The following POLK variants were observed in gnomAD, a reference collection of about 807,000 sequenced individuals.
POLK encodes polymerase (DNA directed) kappa.
In POLK, 76 loss-of-function variants were observed where a neutral mutation model predicts 94.0. The ratio of observed to expected loss-of-function variants is 0.81; its 90% CI spans 0.67 to 0.98. The LOEUF is 0.98. POLK is among the 50% of genes least tolerant of loss of function. POLK has a pLI of 0.00. For synonymous variants in POLK, 349 were observed against 325.4 expected, an observed-to-expected ratio of 1.07 and a Z score of -0.78; for missense variants, 954 against 1,010.1, an observed-to-expected ratio of 0.94 and a Z score of 0.75.
chr5:75,598,750 T>C (rs146368271), exon 15 of POLK: 1 of 152,308 alleles, frequency 6.6e-6, no homozygotes, highest in East Asian at 1.9e-4. Flanking sequence ...GAAGGATAAA[T>C]TGTACCATCA....
At chr5:75,554,740 A>G (rs1324648001) in intron 3 of POLK, among the ~76,000 whole-genome samples, 1 of 152,134 alleles carries the variant, frequency 6.6e-6, no homozygotes, top group Non-Finnish European at 1.5e-5. Context: ...TCCCACTTAT[A>G]AGTGAGAACA....
chr5:75,593,964 A>G, exon 12 of POLK: 2 of 1,610,450 alleles, frequency 1.2e-6, no homozygotes, highest in South Asian at 1.1e-5. Context: ...TTTCTACTGC[A>G]GAAGAAATAT....
At chr5:75,564,688 T>G (rs1644825980) in intron 3 of POLK, among the ~76,000 whole-genome samples, 1 of 152,192 alleles carries the variant, frequency 6.6e-6, no homozygotes, top group African/African-American at 2.4e-5. Context: ...GGTTGAAAAT[T>G]CTTTAAGAAT....
At chr5:75,512,291 C>G (rs1250305687) in intron 1 of POLK, 1 of 152,868 alleles carries the variant, frequency 6.5e-6, no homozygotes, top group Non-Finnish European at 1.5e-5. Flanking sequence ...TTCCTTAGTA[C>G]CTTCTCACAA....
intron 1 of POLK, among the ~76,000 whole-genome samples, chr5:75,530,396 C>CTTTTTTTTTTTTTTTTTTTTTTTTTT (rs201266079): frequency 6.5e-5 from 4 of 61,624 alleles, no homozygotes; most frequent in Non-Finnish European, 9.7e-5. Context: ...TTCCCTTTTT[C>CTTTTTTTTTTTTTTTTTTTTTTTTTT]TTTTTTTTTT....
intron 3 of POLK, among the ~76,000 whole-genome samples, chr5:75,562,572 A>G (rs113354358): frequency 1.3e-5 from 2 of 152,110 alleles, no homozygotes; most frequent in African/African-American, 4.8e-5. Context: ...GAGAGAGGAC[A>G]TCCTTGTCTA....
chr5:75,559,428 T>C (rs1770829652), intron 3 of POLK, among the ~76,000 whole-genome samples: 1 of 152,076 alleles, frequency 6.6e-6, no homozygotes, highest in Non-Finnish European at 1.5e-5. Context: ...AGACAGATGT[T>C]TATGTTACAT....
At chr5:75,596,570 T>A in exon 13 of POLK, 2 of 1,613,894 alleles carry the variant, frequency 1.2e-6, no homozygotes, top group Non-Finnish European at 1.7e-6. Flanking sequence ...ACCTGTCCTG[T>A]TTGCTTTAGG....
chr5:75,575,070 T>C (rs906527952), intron 5 of POLK, among the ~76,000 whole-genome samples: 1 of 152,216 alleles, frequency 6.6e-6, no homozygotes, highest in African/African-American at 2.4e-5. Flanking sequence ...ATCTAGCTAG[T>C]TTATATGCAG....
chr5:75,602,577 G>A (rs1773318294), downstream of POLK, among the ~76,000 whole-genome samples: 1 of 152,100 alleles, frequency 6.6e-6, no homozygotes, highest in African/African-American at 2.4e-5. Context: ...AAAAAAGAAA[G>A]ATCACTTAGA....
intron 3 of POLK, among the ~76,000 whole-genome samples, chr5:75,564,028 T>TA (rs1294067805): frequency 3.3e-5 from 5 of 152,220 alleles, no homozygotes; most frequent in Non-Finnish European, 7.3e-5. Context: ...TGTGGGAGTC[T>TA]AAGTCTCTTT....
intron 1 of POLK, among the ~76,000 whole-genome samples, chr5:75,539,362 A>T (rs538528911): frequency 1.4e-4 from 22 of 152,306 alleles, no homozygotes; most frequent in African/African-American, 4.1e-4. Context: ...GGAAGAAAAT[A>T]GAATAATGAT....
In POLK at chr5:75,557,843, G is replaced by T. The variant is rs192635104; in HGVS notation, c.255+5252G>T. 7.4e-4 allele frequency among the ~76,000 whole-genome samples: 112 copies of T among 152,246 alleles called. 1 individual carries two copies. Among genetic ancestry groups the T allele is most frequent in the African/African-American group, 2.6e-3 (108 of 41,538 alleles). ...CTCCCTCTGTCACCCAGGCTGCTGC[G>T]TAGTGGGATGACCTCAGCTCACTGC... On this transcript the variant is annotated intron_variant, in intron 3 of 14. Coordinates refer to ENST00000241436, the Ensembl canonical transcript of POLK.
chr5:75,559,523 GTTTTTTTTTTTTTT>G (rs775525619), intron 3 of POLK, among the ~76,000 whole-genome samples: 1 of 54,678 alleles, frequency 1.8e-5, no homozygotes, highest in Non-Finnish European at 3.4e-5. Context: ...GTTTTGTTTT[GTTTTTTTTTTTTTT>G]TTTTTTTTTT....
intron 11 of POLK, 121 bp from the exon 12 acceptor site, chr5:75,593,757 T>C (rs2112880464): frequency 1.9e-6 from 1 of 513,196 alleles, no homozygotes; most frequent in African/African-American, 2.0e-5. Context: ...GCAAGAGGAT[T>C]GCTTGAACCC....
chr5:75,588,803 C>A (rs1222873889), intron 10 of POLK, among the ~76,000 whole-genome samples: 1 of 152,208 alleles, frequency 6.6e-6, no homozygotes, highest in East Asian at 1.9e-4. Flanking sequence ...TCAGCAACTT[C>A]TTTCTCTGAC....
intron 3 of POLK, chr5:75,568,597 C>A: frequency 3.5e-6 from 1 of 288,116 alleles, no homozygotes; most frequent in Non-Finnish European, 6.9e-6. Flanking sequence ...GATTAAGAAT[C>A]TTCACTATTG....
chr5:75,556,934 A>G (rs753551881), intron 3 of POLK, among the ~76,000 whole-genome samples: 2 of 152,144 alleles, frequency 1.3e-5, no homozygotes, highest in Non-Finnish European at 2.9e-5. Flanking sequence ...GTGGTGGCAC[A>G]GGCCCATGGT....
At chr5:75,606,134 T>C (rs1773419755), downstream of POLK, among the ~76,000 whole-genome samples, 1 of 68,076 alleles carries the variant, frequency 1.5e-5, no homozygotes, top group African/African-American at 5.9e-5. Context: ...AAGGATTAAG[T>C]GCTGTGCTTT....
Sources: allele counts gnomAD v4.1 joint callset (sites outside exome capture counted in the v4.1 genomes callset), GRCh38; gene constraint gnomAD v4.1.1; transcripts MANE v1.5; gene names NCBI Gene and HGNC (gene_info 2026-07-23, HGNC 2026-07-21).